The following FNIP1 variants were observed in gnomAD, a reference collection of about 807,000 sequenced individuals.
FNIP1 encodes folliculin interacting protein 1, also known as folliculin-interacting protein 1.
A neutral mutation model predicts 124.5 loss-of-function variants in FNIP1; 40 were observed. The observed-to-expected ratio is 0.32, with a 90% CI of 0.25 to 0.42. The LOEUF is 0.42. Among genes scored for constraint, FNIP1 ranks in the 10% least tolerant of loss-of-function variants. The pLI is 1.00. For synonymous variants in FNIP1, 472 were observed against 470.6 expected (o/e 1.00, Z -0.04); for missense variants, 1,176 against 1,403.7 (o/e 0.84, Z 2.59).
chr5:131,668,154 T>C (rs1354656862), intron 15 of FNIP1, among the ~76,000 whole-genome samples: 1 of 152,186 alleles, frequency 6.6e-6, no homozygotes, highest in East Asian at 1.9e-4. Flanking sequence ...AAGCAGAATA[T>C]ATATTCTTTT....
At chr5:131,715,802 G>A (rs1469019496) in intron 6 of FNIP1, among the ~76,000 whole-genome samples, 1 of 151,748 alleles carries the variant, frequency 6.6e-6, no homozygotes, top group Non-Finnish European at 1.5e-5. Context: ...TACAGTTCAA[G>A]TTGGAAGAAA....
At chr5:131,723,688 T>C (rs1769750310) in intron 3 of FNIP1, among the ~76,000 whole-genome samples, 1 of 152,202 alleles carries the variant, frequency 6.6e-6, no homozygotes, top group Non-Finnish European at 1.5e-5. Flanking sequence ...ATGTTCCACT[T>C]ACCTGAAATT....
At chr5:131,713,334 C>A (rs1310361949) in intron 6 of FNIP1, among the ~76,000 whole-genome samples, 1 of 152,214 alleles carries the variant, frequency 6.6e-6, no homozygotes, top group Non-Finnish European at 1.5e-5. Flanking sequence ...GCGTGAGCCA[C>A]CGCGCCCGGC....
chr5:131,672,387 G>C lies in FNIP1; in HGVS notation c.2057C>G (p.Ser686Cys). Residue 686 changes from serine to cysteine, a missense_variant, in exon 14 of 18, where the codon TCT becomes TGT. By Grantham distance (112) the Ser-to-Cys change is moderately radical. Coordinates refer to ENST00000510461, the MANE Select transcript of FNIP1 (RefSeq NM_133372.3). The part of the protein sequence containing the change: ...AKLETVVCTG[S>C]VPVDKCALSE... ...CAATGCACATTTGTCTACTGGAACA[G>C]ATCCTGTGCAAACAACTGTCTCTAA... The C allele has an allele frequency of 1.2e-6, 2 of 1,614,132 alleles. No homozygotes were observed. Among genetic ancestry groups the C allele is most frequent in the South Asian group, 2.2e-5 (2 of 91,090 alleles).
At chr5:131,693,917 CCAAA>C (rs1188005649) in intron 11 of FNIP1, among the ~76,000 whole-genome samples, 1 of 151,612 alleles carries the variant, frequency 6.6e-6, no homozygotes, top group African/African-American at 2.4e-5. Context: ...GACAAAAAAC[CCAAA>C]CAGACACTTC....
chr5:131,746,461 G>T (rs894670462), intron 1 of FNIP1, among the ~76,000 whole-genome samples: 1 of 152,046 alleles, frequency 6.6e-6, no homozygotes, highest in Non-Finnish European at 1.5e-5. Flanking sequence ...AGTGTCTATT[G>T]TTGCCATCCT....
At chr5:131,684,253 T>A (rs1379428237) in intron 11 of FNIP1, among the ~76,000 whole-genome samples, 1 of 152,198 alleles carries the variant, frequency 6.6e-6, no homozygotes, top group Admixed American at 6.5e-5. Flanking sequence ...TAGGAACATA[T>A]GCGTCAGGCA....
chr5:131,752,195 C>T (rs771267495), intron 1 of FNIP1, among the ~76,000 whole-genome samples: 3 of 152,030 alleles, frequency 2.0e-5, no homozygotes, highest in Non-Finnish European at 4.4e-5. Context: ...AGGTGCCAGC[C>T]ACCACGTCCG....
intron 6 of FNIP1, among the ~76,000 whole-genome samples, chr5:131,713,804 G>A (rs758213870): frequency 5.3e-5 from 8 of 152,062 alleles, no homozygotes; most frequent in Non-Finnish European, 1.0e-4. Context: ...GTCCCTTAGC[G>A]AATTTCTCAA....
At chr5:131,652,621 G>GT (rs1390094830) in intron 15 of FNIP1, among the ~76,000 whole-genome samples, 1 of 152,134 alleles carries the variant, frequency 6.6e-6, no homozygotes, top group African/African-American at 2.4e-5. Flanking sequence ...GATTACAGGC[G>GT]TGAGACACTG....
chr5:131,760,494 C>T (rs1771191141), intron 1 of FNIP1, among the ~76,000 whole-genome samples: 2 of 152,116 alleles, frequency 1.3e-5, no homozygotes, highest in South Asian at 4.1e-4. Context: ...TCTTCTCTTT[C>T]TCTACCCTTA....
chr5:131,642,059 AG>A lies in FNIP1; in HGVS notation c.*2625del, dbSNP rs1766733328. 2.0e-5 allele frequency: 3 copies of A among 152,672 alleles called. No homozygotes were observed. The highest frequency in any genetic ancestry group is 4.4e-5 in the Non-Finnish European group (3 of 68,036). 9.5% of individuals were successfully genotyped at this position (152,672 alleles called of 1,614,324 possible). A position where few individuals can be genotyped will look rare whatever the true frequency, so the allele number is the denominator to read the frequency against. On this transcript the variant is annotated 3_prime_UTR_variant, in exon 18 of 18. Transcript: ENST00000510461. ...AATCAAACCAATTAGTTTATATACA[AG>A]AAAAAATTAGTTTTAATTCTATAAT... is the stretch of plus-strand genomic sequence containing the variant.
intron 1 of FNIP1, among the ~76,000 whole-genome samples, chr5:131,782,583 A>G (rs1772031134): frequency 6.6e-6 from 1 of 152,074 alleles, no homozygotes; most frequent in African/African-American, 2.4e-5. Context: ...AATAAAAAAG[A>G]AAGAAAAAGA....
chr5:131,707,095 G>A (rs1262860050), intron 8 of FNIP1, among the ~76,000 whole-genome samples: 4 of 152,180 alleles, frequency 2.6e-5, no homozygotes, highest in African/African-American at 9.7e-5. Flanking sequence ...GAGCATCTAA[G>A]GTGACAAACA....
At chr5:131,780,623 C>T (rs1031414083) in intron 1 of FNIP1, among the ~76,000 whole-genome samples, 2 of 151,698 alleles carry the variant, frequency 1.3e-5, no homozygotes, top group African/African-American at 4.9e-5. Flanking sequence ...ATTATTTGAC[C>T]TATTATGGTG....
In FNIP1 at chr5:131,753,710, T is replaced by G. The variant is rs1770955349; in HGVS notation, c.93-9020A>C. 2.6e-5 allele frequency among the ~76,000 whole-genome samples: 4 copies of G among 152,328 alleles called. No individual in the cohort carries two copies. In the South Asian group the frequency reaches 8.3e-4, roughly 32 times the overall value. On this transcript the variant is annotated intron_variant, in intron 1 of 17. Coordinates refer to ENST00000510461, the MANE Select transcript of FNIP1 (RefSeq NM_133372.3). The stretch of plus-strand genomic sequence containing the variant: ...TATTTTTCAAAATAAATTATACATT[T>G]TATTATATGCAAATTATAGCTCAAT...
intron 1 of FNIP1, among the ~76,000 whole-genome samples, chr5:131,793,044 T>C (rs1354592868): frequency 6.6e-6 from 1 of 152,220 alleles, no homozygotes; most frequent in Non-Finnish European, 1.5e-5. Flanking sequence ...ATCTTTTTTT[T>C]TGAGACAGGA....
chr5:131,745,339 T>C (rs1021212250), intron 1 of FNIP1, among the ~76,000 whole-genome samples: 1 of 151,974 alleles, frequency 6.6e-6, no homozygotes, highest in African/African-American at 2.4e-5. Context: ...GACAACATAG[T>C]GAGACCCTGT....
At chr5:131,707,399 C>A (rs1006040556) in intron 8 of FNIP1, among the ~76,000 whole-genome samples, 1 of 152,118 alleles carries the variant, frequency 6.6e-6, no homozygotes, top group Admixed American at 6.5e-5. Flanking sequence ...AAACAGGGAA[C>A]CATTATCATC....
Sources: gnomAD v4.1 joint callset for allele counts (sites outside exome capture counted in the v4.1 genomes callset) on GRCh38, gnomAD v4.1.1 for gene constraint, MANE v1.5 for transcripts, NCBI Gene and HGNC (gene_info 2026-07-23, HGNC 2026-07-21) for gene names.